CFAP100: variants seen among roughly 807,000 people sequenced by gnomAD.
CFAP100 encodes cilia- and flagella-associated protein 100.
CFAP100 carries 70 observed loss-of-function variants against 81.5 expected under a neutral mutation model. The observed-to-expected ratio is 0.86, with a 90% CI of 0.71 to 1.05. The LOEUF (loss-of-function observed/expected upper bound fraction) is 1.05, where lower values mean the gene tolerates loss of function less well. CFAP100 is among the 50% of genes least tolerant of loss of function. CFAP100 has a pLI of 0.00. For missense variants in CFAP100, 811 were observed against 776.5 expected (o/e 1.04, Z -0.53); for synonymous variants, 341 against 314.8 (o/e 1.08, Z -0.88).
At chr3:126,395,240 C>T (rs2082870677) in intron 1 of CFAP100, 1 of 152,292 alleles carries the variant, frequency 6.6e-6, no homozygotes, top group African/African-American at 2.4e-5. Context: ...GGAGGCGACC[C>T]TGCGAACCCC....
chr3:126,409,175 C>T (rs551108872), intron 3 of CFAP100, among the ~76,000 whole-genome samples: 4 of 152,280 alleles, frequency 2.6e-5, no homozygotes, highest in Non-Finnish European at 4.4e-5. Context: ...AGAAATTATC[C>T]GTCCCCCAGA....
chr3:126,432,227 C>G (rs935313761), intron 13 of CFAP100, among the ~76,000 whole-genome samples: 1 of 139,750 alleles, frequency 7.2e-6, no homozygotes, highest in Non-Finnish European at 1.5e-5. Context: ...TGCAGTGAGC[C>G]GAGATTGTGA....
At chr3:126,396,819 C>T (rs1227013817) in intron 2 of CFAP100, 4 of 152,202 alleles carry the variant, frequency 2.6e-5, no homozygotes, top group African/African-American at 7.2e-5. Context: ...CACAGGGCGA[C>T]GCTGAGGGAG....
intron 2 of CFAP100, among the ~76,000 whole-genome samples, chr3:126,397,119 G>C (rs888896443): frequency 1.3e-5 from 2 of 152,150 alleles, no homozygotes; most frequent in African/African-American, 4.8e-5. Flanking sequence ...TCTGCACCTT[G>C]ATTTTTTTAA....
chr3:126,433,782 C>A, intron 14 of CFAP100: 1 of 208,468 alleles, frequency 4.8e-6, no homozygotes, highest in Admixed American at 5.3e-5. Context: ...AGCTGCCTGC[C>A]TGCTGCTCCT....
chr3:126,416,577 C>CTGGAACCTCCGTGCCAG, intron 5 of CFAP100, 69 bp downstream of exon 5: 1 of 1,302,092 alleles, frequency 7.7e-7, no homozygotes, highest in African/African-American at 1.5e-5. Flanking sequence ...GGGGGCGCGC[C>CTGGAACCTCCGTGCCAG]TGGAACCTCC....
chr3:126,427,382 A>G (rs1240624850), intron 13 of CFAP100, among the ~76,000 whole-genome samples: 1 of 152,240 alleles, frequency 6.6e-6, no homozygotes, highest in Non-Finnish European at 1.5e-5. Context: ...TAATAAATGC[A>G]TGTTATGTGT....
rs1023812605 is a variant in CFAP100, at chr3:126,424,903, G to A, written c.1286+1259G>A. Among the ~76,000 whole-genome samples, 11 of 152,356 alleles carry A rather than the reference G, an allele frequency of 7.2e-5. No homozygotes were observed. The East Asian group carries it at 1.5e-3, about 21-fold the overall frequency. ...CTGGGCGAAGAGGGTCCCAGGCAGC[G>A]GGAACAGCAGGTGCAAAGGCACTGA... is the stretch of plus-strand genomic sequence containing the variant. On this transcript the variant is annotated intron_variant, in intron 13 of 16. Coordinates refer to ENST00000352312, the MANE Select transcript of CFAP100 (RefSeq NM_182628.3).
rs755898958 is a variant in CFAP100, at chr3:126,436,292, GAGGC to G, written c.1728_1731del (p.Arg577HisfsTer21). On this transcript the variant is annotated frameshift_variant and splice_region_variant, in exon 17 of 17. Coordinates refer to ENST00000352312, the MANE Select transcript of CFAP100 (RefSeq NM_182628.3). LOFTEE classifies it low-confidence loss of function (END_TRUNC). ...TCACTGGGCTTGTTTCCCCTGCAGA[GAGGC>G]AGGACACTGGTATGCCGCTCACGAC... 1.2e-6 allele frequency: 2 copies of G among 1,612,320 alleles called. No homozygotes were observed. The highest frequency in any genetic ancestry group is 1.7e-6 in the Non-Finnish European group (2 of 1,178,590).
At chr3:126,398,872 C>T (rs187266100) in intron 2 of CFAP100, among the ~76,000 whole-genome samples, 6 of 152,322 alleles carry the variant, frequency 3.9e-5, no homozygotes, top group East Asian at 1.9e-4. Context: ...GGCCATGAGA[C>T]GGAGGCGCCT....
intron 4 of CFAP100, chr3:126,414,485 A>G: frequency 3.3e-6 from 2 of 612,374 alleles, no homozygotes; most frequent in South Asian, 3.9e-5. Context: ...GCCTGCGTGA[A>G]ATGCCATCCT....
At chr3:126,410,239 A>T (rs2083133679) in intron 3 of CFAP100, among the ~76,000 whole-genome samples, 1 of 152,176 alleles carries the variant, frequency 6.6e-6, no homozygotes, top group African/African-American at 2.4e-5. Flanking sequence ...GCTCAGTTTC[A>T]TGCAGCTCAA....
chr3:126,398,471 T>C (rs2082923442), intron 2 of CFAP100, among the ~76,000 whole-genome samples: 1 of 152,210 alleles, frequency 6.6e-6, no homozygotes, highest in African/African-American at 2.4e-5. Context: ...GAAGGAGCCG[T>C]GTGCATGCGC....
intron 2 of CFAP100, among the ~76,000 whole-genome samples, chr3:126,405,931 C>T (rs1004346337): frequency 6.6e-6 from 1 of 152,044 alleles, no homozygotes; most frequent in Admixed American, 6.6e-5. Flanking sequence ...GGGACCACAT[C>T]CAGATCCATT....
rs1196326910 is a variant in CFAP100, at chr3:126,417,328, A to T, written c.418+820A>T. Among the ~76,000 whole-genome samples the T allele has an allele frequency of 2.0e-5, 3 of 152,196 alleles. No individual in the cohort carries two copies. The East Asian group carries it at 5.8e-4, about 29-fold the overall frequency. ...ATGTGTGTGAGCGGTGGAAATCTTA[A>T]GTACTGAATATGTATTAATATTCTA... On this transcript the variant is annotated intron_variant, in intron 5 of 16. Coordinates refer to ENST00000352312, the MANE Select transcript of CFAP100 (RefSeq NM_182628.3).
intron 16 of CFAP100, among the ~76,000 whole-genome samples, chr3:126,436,003 G>A (rs1436506665): frequency 6.6e-6 from 1 of 152,190 alleles, no homozygotes; most frequent in Admixed American, 6.5e-5. Flanking sequence ...CCCTACTGCT[G>A]TGTCCCAAGG....
Position 126,418,737 on chromosome 3 carries a change from AG to A in CFAP100, c.616del (p.Glu206ArgfsTer10). ...CGCCGCCTTGTTCGACGAGTTCGTC[AG>A]GGAGAATGACTGCAGCTCCGTGCAG... ...KDAALFDEFVRENDCSSVQAM... is the reference protein window; with the variant it reads ...KDAALFDEFVXENDCSSVQAM... On this transcript the variant is annotated frameshift_variant, in exon 7 of 17. Coordinates refer to ENST00000352312, the MANE Select transcript of CFAP100 (RefSeq NM_182628.3). LOFTEE classifies it high-confidence loss of function. 1.3e-6 allele frequency: 2 copies of A among 1,598,280 alleles called. No homozygotes were observed. Among genetic ancestry groups the A allele is most frequent in the Non-Finnish European group, 1.7e-6 (2 of 1,173,044 alleles).
intron 15 of CFAP100, 166 bp downstream of exon 15, chr3:126,434,547 A>C: frequency 4.5e-6 from 3 of 662,626 alleles, no homozygotes; most frequent in East Asian, 6.0e-5. Context: ...GGGGCATCAC[A>C]GTCAAGTGGG....
intron 3 of CFAP100, among the ~76,000 whole-genome samples, chr3:126,411,542 T>G (rs1251817003): frequency 6.6e-6 from 1 of 151,936 alleles, no homozygotes; most frequent in Non-Finnish European, 1.5e-5. Flanking sequence ...CATCTGCTTT[T>G]GGGCTTTTTT....
Sources: gnomAD v4.1 joint callset for allele counts (sites outside exome capture counted in the v4.1 genomes callset) on GRCh38, gnomAD v4.1.1 for gene constraint, MANE v1.5 for transcripts, NCBI Gene and HGNC (gene_info 2026-07-23, HGNC 2026-07-21) for gene names.